The following PREX1 variants were observed in gnomAD, a reference collection of about 807,000 sequenced individuals.
PREX1 encodes the protein phosphatidylinositol-3,4,5-trisphosphate dependent Rac exchange factor 1.
PREX1 carries 41 observed loss-of-function variants against 198.3 expected under a neutral mutation model. The observed-to-expected ratio is 0.21, with a 90% CI of 0.16 to 0.27. PREX1 has a LOEUF of 0.27. Among genes scored for constraint, PREX1 ranks in the 10% least tolerant of loss-of-function variants. PREX1 has a pLI of 1.00. For synonymous variants in PREX1, 843 were observed against 887.2 expected, an observed-to-expected ratio of 0.95 and a Z score of 0.89; for missense variants, 1,620 against 2,200.7, an observed-to-expected ratio of 0.74 and a Z score of 5.28.
chr20:48,639,130 GC>G (rs1391274859), intron 30 of PREX1, among the ~76,000 whole-genome samples: 1 of 152,252 alleles, frequency 6.6e-6, no homozygotes, highest in East Asian at 1.9e-4. Context: ...GATGCGTGGA[GC>G]AGACGCCAAG....
rs746567032 is a variant in PREX1, at chr20:48,679,379, G to C, written c.1570C>G (p.Leu524Val). 5 of 1,613,572 alleles carry C rather than the reference G, an allele frequency of 3.1e-6. No individual in the cohort carries two copies. Among genetic ancestry groups the C allele is most frequent in the Admixed American group, 3.3e-5 (2 of 59,990 alleles). The change falls in exon 13 of 40, where the codon CTC (leucine) becomes GTC (valine). Residue 524 changes from leucine (L) to valine (V), a missense_variant. Physicochemically the swap from Leu to Val is conservative, Grantham distance 32. Transcript: ENST00000371941. Reference protein sequence around the residue: ...GVRLYCRLHSLYTPVIKDRDY... With the variant: ...GVRLYCRLHSVYTPVIKDRDY... ...ACTTACTTGATCACCGGGGTGTAGA[G>C]GCTGTGAAGACGGCAGTAAAGCCTC...
intron 5 of PREX1, among the ~76,000 whole-genome samples, chr20:48,713,857 TAA>T (rs71337452): frequency 0.15 from 11,902 of 81,696 alleles, 481 homozygotes; most frequent in South Asian, 0.21. Context: ...CCCAGAACTA[TAA>T]AAAAAAAAAA....
chr20:48,858,399 A>G, the PREX1 span, among the ~76,000 whole-genome samples: 1 of 151,884 alleles, frequency 6.6e-6, no homozygotes, highest in Admixed American at 6.6e-5. Context: ...TGCAGGTCAC[A>G]CTCTCTGGGA....
chr20:48,879,024 G>A, the PREX1 span, among the ~76,000 whole-genome samples: 2 of 152,174 alleles, frequency 1.3e-5, no homozygotes, highest in African/African-American at 2.4e-5. Context: ...ACTGAGTTCC[G>A]GTGACATCTT....
intron 14 of PREX1, among the ~76,000 whole-genome samples, chr20:48,672,571 G>A (rs1051093312): frequency 8.5e-5 from 13 of 152,208 alleles, no homozygotes; most frequent in Admixed American, 2.0e-4. Flanking sequence ...GGCATGGTGC[G>A]CCCACGCGGC....
intron 1 of PREX1, among the ~76,000 whole-genome samples, chr20:48,807,791 G>A (rs2090418416): frequency 6.6e-6 from 1 of 152,142 alleles, no homozygotes; most frequent in African/African-American, 2.4e-5. Flanking sequence ...AGGGATGGAA[G>A]GTGACGTTGA....
intron 1 of PREX1, among the ~76,000 whole-genome samples, chr20:48,762,693 T>C (rs1432045485): frequency 1.3e-5 from 2 of 149,482 alleles, no homozygotes; most frequent in Admixed American, 6.9e-5. Flanking sequence ...GCTAATGGTA[T>C]GAAGTTTCTT....
intron 1 of PREX1, among the ~76,000 whole-genome samples, chr20:48,769,028 G>A (rs1379476134): frequency 6.6e-6 from 1 of 151,652 alleles, no homozygotes; most frequent in African/African-American, 2.4e-5. Context: ...CGCATGGGTT[G>A]TCCTGGCTCA....
At chr20:48,660,090 G>C (rs1239771218) in intron 15 of PREX1, 29 bp from the exon 16 acceptor site, 10 of 1,603,048 alleles carry the variant, frequency 6.2e-6, no homozygotes, top group Non-Finnish European at 8.5e-6. Flanking sequence ...GCACTCAGTG[G>C]TCAGATTCAC....
intron 1 of PREX1, among the ~76,000 whole-genome samples, chr20:48,752,611 C>T (rs1290208659): frequency 2.0e-5 from 3 of 152,160 alleles, no homozygotes; most frequent in Admixed American, 1.3e-4. Context: ...CTGAGGCACT[C>T]GATGGACACT....
chr20:48,857,646 G>A, the PREX1 span, among the ~76,000 whole-genome samples: 1 of 152,166 alleles, frequency 6.6e-6, no homozygotes, highest in Non-Finnish European at 1.5e-5. Context: ...GGTGGTGCAT[G>A]CCTGTGGTCC....
At chr20:48,841,855 G>A in the PREX1 span, among the ~76,000 whole-genome samples, 1 of 152,140 alleles carries the variant, frequency 6.6e-6, no homozygotes, top group Admixed American at 6.5e-5. Context: ...TCCATTTAGG[G>A]GCTCAGTTTC....
chr20:48,679,019 G>C (rs753245454), intron 13 of PREX1, among the ~76,000 whole-genome samples: 18 of 152,334 alleles, frequency 1.2e-4, no homozygotes, highest in Admixed American at 2.6e-4. Context: ...CAGGCACAAA[G>C]GCCCTAAGGT....
At chr20:48,634,493 T>G (rs557143618) in intron 33 of PREX1, among the ~76,000 whole-genome samples, 183 bp downstream of exon 33, 2 of 152,204 alleles carry the variant, frequency 1.3e-5, no homozygotes, top group African/African-American at 4.8e-5. Context: ...TCTTTTTCCA[T>G]GTGTGCCCCA....
At chr20:48,728,688 T>G (rs1287190396) in intron 4 of PREX1, among the ~76,000 whole-genome samples, 1 of 152,164 alleles carries the variant, frequency 6.6e-6, no homozygotes, top group African/African-American at 2.4e-5. Flanking sequence ...GGGGAAGTGC[T>G]TTCTAGAAGC....
intron 3 of PREX1, among the ~76,000 whole-genome samples, chr20:48,734,929 G>A (rs1289724266): frequency 1.3e-5 from 2 of 152,154 alleles, no homozygotes; most frequent in Non-Finnish European, 2.9e-5. Context: ...GCCTGGGCTT[G>A]CACCACGGCT....
chr20:48,728,157 TTGTGTGC>T (rs201662060), intron 4 of PREX1, among the ~76,000 whole-genome samples: 11 of 152,344 alleles, frequency 7.2e-5, no homozygotes, highest in East Asian at 5.8e-4. Flanking sequence ...CAAATACACA[TTGTGTGC>T]TGTGTGCTGT....
the PREX1 span, among the ~76,000 whole-genome samples, chr20:48,877,183 A>G: frequency 6.6e-6 from 1 of 151,934 alleles, no homozygotes; most frequent in African/African-American, 2.4e-5. Context: ...AGGCAGGAGA[A>G]TTGCTTGAAC....
rs2090505963 is a variant in PREX1, at chr20:48,825,764, G to A, written c.219+1878C>T. On this transcript the variant is annotated intron_variant, in intron 1 of 39. Coordinates refer to ENST00000371941, the MANE Select transcript of PREX1 (RefSeq NM_020820.4). ...GGAGTGGCTCAGAAGGAGAAGTCAG[G>A]AGTTCCCTAGAATTTGACATTGCTC... Among the ~76,000 whole-genome samples, 9 of 151,850 alleles carry A rather than the reference G, an allele frequency of 5.9e-5. No homozygotes were observed. The South Asian group carries it at 1.9e-3, about 32-fold the overall frequency.
Sources: allele counts gnomAD v4.1 joint callset (sites outside exome capture counted in the v4.1 genomes callset), GRCh38; gene constraint gnomAD v4.1.1; transcripts MANE v1.5; gene names NCBI Gene and HGNC (gene_info 2026-07-23, HGNC 2026-07-21).